Variants in CTNNA2 observed in about 807,000 individuals in gnomAD.
CTNNA2 encodes the protein catenin alpha-2.
In CTNNA2, 42 loss-of-function variants were observed where a neutral mutation model predicts 101.0. That is an observed-to-expected ratio of 0.42 (90% CI 0.32 to 0.54). CTNNA2 has a LOEUF of 0.54. Among genes scored for constraint, CTNNA2 ranks in the 20% least tolerant of loss-of-function variants. The pLI, the probability that CTNNA2 is intolerant of heterozygous loss-of-function variation, is 0.14. For missense variants in CTNNA2, 871 were observed against 1,223.1 expected (o/e 0.71, Z 4.29); for synonymous variants, 450 against 456.4 (o/e 0.99, Z 0.18).
intron 1 of CTNNA2, among the ~76,000 whole-genome samples, chr2:79,640,111 C>A (rs1680351908): frequency 6.6e-6 from 1 of 152,048 alleles, no homozygotes; most frequent in African/African-American, 2.4e-5. Flanking sequence ...TTAGGTAAAT[C>A]AAATAGATAA....
At chr2:80,164,743 A>G (rs373988635) in intron 7 of CTNNA2, among the ~76,000 whole-genome samples, 1 of 143,602 alleles carries the variant, frequency 7.0e-6, no homozygotes, top group African/African-American at 2.6e-5. Context: ...GGGGAGGTCT[A>G]TTGATAACAA....
chr2:80,009,752 C>CAG (rs143788691), intron 7 of CTNNA2, among the ~76,000 whole-genome samples: 2 of 143,098 alleles, frequency 1.4e-5, no homozygotes, highest in African/African-American at 2.6e-5. Context: ...GTGTGTGTGT[C>CAG]AGAGAGAGAG....
intron 2 of CTNNA2, among the ~76,000 whole-genome samples, chr2:79,740,611 T>A (rs1040684038): frequency 1.3e-5 from 2 of 152,164 alleles, no homozygotes; most frequent in African/African-American, 4.8e-5. Context: ...ATATAAATAA[T>A]GCCTTTGAAT....
intron 7 of CTNNA2, among the ~76,000 whole-genome samples, chr2:79,961,126 C>T (rs1190123608): frequency 6.6e-6 from 1 of 152,160 alleles, no homozygotes; most frequent in African/African-American, 2.4e-5. Flanking sequence ...GTTTGCAAAT[C>T]TCAGGATGTA....
chr2:79,380,628 C>T (rs1319733523), intron 4 of CTNNA2, among the ~76,000 whole-genome samples: 1 of 152,114 alleles, frequency 6.6e-6, no homozygotes, highest in African/African-American at 2.4e-5. Context: ...CAAGCAACTA[C>T]AGAAAAAGCA....
intron 7 of CTNNA2, among the ~76,000 whole-genome samples, chr2:80,177,698 C>A (rs546675257): frequency 1.3e-5 from 2 of 152,208 alleles, no homozygotes; most frequent in Admixed American, 1.3e-4. Flanking sequence ...TTGGTGAACA[C>A]GCACATGAGA....
At chr2:80,502,021 T>C (rs1318697724) in intron 9 of CTNNA2, among the ~76,000 whole-genome samples, 4 of 152,208 alleles carry the variant, frequency 2.6e-5, no homozygotes, top group African/African-American at 4.8e-5. Context: ...TTTGGAATAG[T>C]AGTAGAAAGG....
At chr2:79,510,625 T>C (rs975812031), upstream of CTNNA2, among the ~76,000 whole-genome samples, 3 of 152,210 alleles carry the variant, frequency 2.0e-5, no homozygotes, top group African/African-American at 7.2e-5. Flanking sequence ...TGAAACCCAT[T>C]GCCTGAGTAA....
At chr2:79,475,095 T>C (rs1053632824) in intron 4 of CTNNA2, among the ~76,000 whole-genome samples, 3 of 151,196 alleles carry the variant, frequency 2.0e-5, no homozygotes, top group Non-Finnish European at 4.4e-5. Flanking sequence ...GTGAAGACTC[T>C]GAGGAATTCT....
chr2:80,321,085 A>T (rs1293527626), intron 7 of CTNNA2, among the ~76,000 whole-genome samples: 1 of 152,224 alleles, frequency 6.6e-6, no homozygotes, highest in Non-Finnish European at 1.5e-5. Context: ...AGATATTTGG[A>T]TATAACTTTT....
intron 7 of CTNNA2, among the ~76,000 whole-genome samples, chr2:79,926,936 G>C (rs929073564): frequency 6.6e-6 from 1 of 152,098 alleles, no homozygotes; most frequent in Non-Finnish European, 1.5e-5. Flanking sequence ...TTCAGAGAGA[G>C]AGCTGGGTTG....
intron 7 of CTNNA2, among the ~76,000 whole-genome samples, chr2:80,373,247 T>C (rs1345566865): frequency 6.6e-6 from 1 of 152,142 alleles, no homozygotes; most frequent in African/African-American, 2.4e-5. Flanking sequence ...TCAGGACCAA[T>C]GGTTTAGCCA....
In CTNNA2 at chr2:79,559,882, A is replaced by G. The variant is rs112404829; in HGVS notation, c.-6+46675A>G. Among the ~76,000 whole-genome samples the G allele has an allele frequency of 8.1e-3, 1,230 of 152,032 alleles. 3 individuals are homozygous for G. The highest frequency in any genetic ancestry group is 0.028 in the African/African-American group (1,158 of 41,526). On this transcript the variant is annotated intron_variant, in intron 1 of 18. Coordinates refer to ENST00000402739, the MANE Select transcript of CTNNA2 (RefSeq NM_001282597.3). ...GTGCCAGGCTAGTGATAATAAATTC[A>G]TATGTAACATGTCATATCATTTTTA...
At chr2:80,307,549 CTT>C (rs1256382744) in intron 7 of CTNNA2, among the ~76,000 whole-genome samples, 2 of 152,052 alleles carry the variant, frequency 1.3e-5, no homozygotes, top group African/African-American at 4.8e-5. Flanking sequence ...CTGTACCTGT[CTT>C]TTGAAAATAT....
chr2:80,456,110 G>A (rs1184974744), intron 9 of CTNNA2, among the ~76,000 whole-genome samples: 8 of 152,164 alleles, frequency 5.3e-5, no homozygotes, highest in South Asian at 2.1e-4. Context: ...CTAATGCCTG[G>A]AGCCGGATGT....
At chr2:80,616,131 A>G (rs1419900975) in intron 17 of CTNNA2, among the ~76,000 whole-genome samples, 1 of 151,734 alleles carries the variant, frequency 6.6e-6, no homozygotes, top group Non-Finnish European at 1.5e-5. Context: ...TCAAATCGGA[A>G]CAACCTGTCT....
chr2:80,166,627 C>G (rs927140329), intron 7 of CTNNA2, among the ~76,000 whole-genome samples: 1 of 152,138 alleles, frequency 6.6e-6, no homozygotes, highest in South Asian at 2.1e-4. Flanking sequence ...AGCAAATTGT[C>G]AAACCTGAGG....
At chr2:80,059,407 C>G (rs1396079310) in intron 7 of CTNNA2, among the ~76,000 whole-genome samples, 1 of 152,250 alleles carries the variant, frequency 6.6e-6, no homozygotes, top group African/African-American at 2.4e-5. Flanking sequence ...CACATTGAAA[C>G]TCTGCCTTTG....
At chr2:80,438,327 A>T (rs1007375127) in intron 9 of CTNNA2, among the ~76,000 whole-genome samples, 1 of 152,154 alleles carries the variant, frequency 6.6e-6, no homozygotes, top group African/African-American at 2.4e-5. Context: ...TCCTAATACA[A>T]TTATGGAGTT....
Sources: gnomAD v4.1 joint callset for allele counts (sites outside exome capture counted in the v4.1 genomes callset) on GRCh38, gnomAD v4.1.1 for gene constraint, MANE v1.5 for transcripts, NCBI Gene and HGNC (gene_info 2026-07-23, HGNC 2026-07-21) for gene names.